Variants in VEZT observed in about 807,000 individuals in gnomAD.
VEZT encodes vezatin.
VEZT carries 39 observed loss-of-function variants against 79.9 expected under a neutral mutation model. The ratio of observed to expected loss-of-function variants is 0.49; its 90% CI spans 0.38 to 0.64. The LOEUF (loss-of-function observed/expected upper bound fraction) is 0.64, where lower values mean the gene tolerates loss of function less well. Among genes scored for constraint, VEZT ranks in the 30% least tolerant of loss-of-function variants. VEZT has a pLI of 0.00. For missense variants in VEZT, 837 were observed against 893.1 expected (o/e 0.94, Z 0.80); for synonymous variants, 325 against 327.6 (o/e 0.99, Z 0.09).
chr12:95,266,405 C>T lies in VEZT; in HGVS notation c.483C>T (p.Pro161=). ...TCATTAGCTTGCTCGTTATGCTTCCCACTTGGTGGATTGTGTCTTCCTGGC... is the reference window on the plus strand; with the variant it reads ...TCATTAGCTTGCTCGTTATGCTTCCTACTTGGTGGATTGTGTCTTCCTGGC... ...FAFISLLVML[P]TWWIVSSWLV... Residue 161 remains proline, a synonymous_variant, in exon 5 of 12, where the codon CCC becomes CCT. Transcript: ENST00000436874. The T allele has an allele frequency of 1.2e-6, 2 of 1,613,804 alleles. No individual in the cohort carries two copies. Among genetic ancestry groups the T allele is most frequent in the Non-Finnish European group, 8.5e-7 (1 of 1,179,818 alleles).
intron 1 of VEZT, among the ~76,000 whole-genome samples, chr12:95,234,375 CGCCG>C (rs2059707840): frequency 6.6e-6 from 1 of 151,708 alleles, no homozygotes; most frequent in Non-Finnish European, 1.5e-5. Context: ...GCAACCTCCC[CGCCG>C]GCCGGGTTCA....
chr12:95,245,636 T>C (rs1046450679), intron 1 of VEZT: 3 of 453,058 alleles, frequency 6.6e-6, no homozygotes. Flanking sequence ...AGCTTACAAC[T>C]TGTTCTATCT....
rs750029067 is a variant in VEZT, at chr12:95,270,105, C to G, written c.765C>G (p.Leu255=). The G allele has an allele frequency of 6.2e-7, 1 of 1,612,014 alleles. No individual in the cohort carries two copies. The highest frequency in any genetic ancestry group is 1.1e-5 in the South Asian group (1 of 90,426). Residue 255 remains leucine (L), a synonymous_variant, in exon 6 of 12, where the codon CTC becomes CTG. Transcript: ENST00000436874. ...NKAGQHPSQH[L]IGLRKAVYRT... ...CTGGACAGCATCCAAGTCAGCATCT[C>G]ATCGGTCTTCGGAAAGCTGTCTACC...
chr12:95,228,881 C>A (rs938806104), intron 1 of VEZT, among the ~76,000 whole-genome samples: 26 of 152,044 alleles, frequency 1.7e-4, no homozygotes, highest in Non-Finnish European at 7.4e-5. Context: ...CATGTACCTG[C>A]AGTGCAACCT....
intron 1 of VEZT, among the ~76,000 whole-genome samples, chr12:95,236,753 A>G (rs1383665177): frequency 2.6e-5 from 4 of 151,808 alleles, no homozygotes; most frequent in South Asian, 2.1e-4. Flanking sequence ...CGCCCGGCTA[A>G]TTTTTGTATT....
At chr12:95,241,056 G>A (rs1424335050) in intron 1 of VEZT, among the ~76,000 whole-genome samples, 1 of 151,852 alleles carries the variant, frequency 6.6e-6, no homozygotes, top group Non-Finnish European at 1.5e-5. Flanking sequence ...TGTTTTTTAA[G>A]ACGGAGTCTT....
intron 7 of VEZT, among the ~76,000 whole-genome samples, chr12:95,276,259 C>CTTTTTTTTTTTTT (rs35034660): frequency 1.1e-3 from 85 of 75,134 alleles, no homozygotes; most frequent in East Asian, 2.6e-3. Context: ...TAATTTTTTT[C>CTTTTTTTTTTTTT]TTTTTTTTTT....
intron 1 of VEZT, among the ~76,000 whole-genome samples, chr12:95,234,152 T>A (rs998279366): frequency 1.3e-5 from 2 of 152,218 alleles, no homozygotes; most frequent in African/African-American, 2.4e-5. Flanking sequence ...ATTTGTATTT[T>A]TTTCTTTGAA....
intron 1 of VEZT, among the ~76,000 whole-genome samples, chr12:95,226,398 ATT>A (rs11309270): frequency 4.7e-4 from 69 of 148,016 alleles, no homozygotes; most frequent in African/African-American, 1.4e-3. Context: ...TTTAACTGTG[ATT>A]TTTTTTTTTT....
rs1374263511 is a variant in VEZT, at chr12:95,282,583, C to A, written c.1267C>A (p.Leu423Met). 2.5e-6 allele frequency: 4 copies of A among 1,613,944 alleles called. No individual in the cohort carries two copies. The highest frequency in any genetic ancestry group is 2.5e-6 in the Non-Finnish European group (3 of 1,179,862). Residue 423 changes from leucine (L) to methionine (M), a missense_variant, in exon 8 of 12, where the codon CTG (leucine) becomes ATG (methionine). By Grantham distance (15) the Leu-to-Met change is conservative. Coordinates refer to ENST00000436874, the MANE Select transcript of VEZT (RefSeq NM_017599.4). ...CAAAACTCAACAGAAGTCAAGAGAACTGAATAATGTTCACACAGCAGTGCG... is the reference window on the plus strand; with the variant it reads ...CAAAACTCAACAGAAGTCAAGAGAAATGAATAATGTTCACACAGCAGTGCG... ...LSKTQQKSRE[L>M]NNVHTAVRSL...
intron 8 of VEZT, among the ~76,000 whole-genome samples, chr12:95,283,184 C>T (rs1263487577): frequency 6.6e-6 from 1 of 152,132 alleles, no homozygotes. Context: ...TGTTCATTTC[C>T]TACCTTGCAT....
At chr12:95,223,758 G>A (rs2057980145) in intron 1 of VEZT, among the ~76,000 whole-genome samples, 1 of 152,162 alleles carries the variant, frequency 6.6e-6, no homozygotes, top group Admixed American at 6.5e-5. Context: ...GCCTCAGGTA[G>A]ACTTTTCAAA....
intron 2 of VEZT, among the ~76,000 whole-genome samples, chr12:95,255,237 G>A (rs4762308): frequency 0.48 from 72,925 of 151,216 alleles, 17,849 homozygotes; most frequent in African/African-American, 0.56. Context: ...CAAACAAAAA[G>A]TGTTCTTTTT....
intron 11 of VEZT, among the ~76,000 whole-genome samples, chr12:95,298,705 A>G (rs1195533330): frequency 6.6e-6 from 1 of 152,206 alleles, no homozygotes; most frequent in Non-Finnish European, 1.5e-5. Flanking sequence ...CATTACTCAG[A>G]TTATATCCAC....
intron 7 of VEZT, among the ~76,000 whole-genome samples, chr12:95,276,874 T>C (rs2067895196): frequency 6.6e-6 from 1 of 152,204 alleles, no homozygotes; most frequent in Non-Finnish European, 1.5e-5. Flanking sequence ...CCCATCTCAA[T>C]AAATGGCACC....
In VEZT at chr12:95,300,710, C is replaced by G; in HGVS notation, c.*37C>G. 6.6e-7 allele frequency: 1 copy of G among 1,512,418 alleles called. No individual in the cohort carries two copies. The allele number at this position is 1,512,418 out of a possible 1,614,324, so 93.7% of individuals were successfully genotyped here. On this transcript the variant is annotated 3_prime_UTR_variant, in exon 12 of 12. Transcript: ENST00000436874. Reference sequence around the variant, plus strand: ...CATATGAAGTGATATTAGATTGTTCCTTTTACAAAAGTGTTTAGCTTCAAG... The same window carrying G: ...CATATGAAGTGATATTAGATTGTTCGTTTTACAAAAGTGTTTAGCTTCAAG...
At chr12:95,287,312 C>A (rs2071208494) in intron 8 of VEZT, among the ~76,000 whole-genome samples, 1 of 151,940 alleles carries the variant, frequency 6.6e-6, no homozygotes, top group African/African-American at 2.4e-5. Context: ...ATCTTATAAG[C>A]CTTTTTTCTT....
At chr12:95,224,065 G>T (rs1024189071) in intron 1 of VEZT, 4 of 420,050 alleles carry the variant, frequency 9.5e-6, no homozygotes, top group Non-Finnish European at 1.9e-5. Context: ...ATAGTTGAGG[G>T]ATTGATGTTA....
intron 6 of VEZT, among the ~76,000 whole-genome samples, chr12:95,274,337 A>G (rs1039051221): frequency 6.6e-6 from 1 of 152,082 alleles, no homozygotes; most frequent in Non-Finnish European, 1.5e-5. Flanking sequence ...GTGGTGGCGC[A>G]TGCCTGTAAT....
Sources: allele counts gnomAD v4.1 joint callset (sites outside exome capture counted in the v4.1 genomes callset), GRCh38; gene constraint gnomAD v4.1.1; transcripts MANE v1.5; gene names NCBI Gene and HGNC (gene_info 2026-07-23, HGNC 2026-07-21).